MAP2: variants seen among roughly 807,000 people sequenced by gnomAD.
The protein encoded by MAP2 is microtubule-associated protein 2.
A neutral mutation model predicts 137.6 loss-of-function variants in MAP2; 14 were observed. The observed-to-expected ratio is 0.10, with a 90% CI of 0.07 to 0.16. MAP2 has a LOEUF of 0.16. Among genes scored for constraint, MAP2 ranks in the 10% least tolerant of loss-of-function variants. The pLI is 1.00. For missense variants in MAP2, 2,088 were observed against 2,191.5 expected, an observed-to-expected ratio of 0.95 and a Z score of 0.94; for synonymous variants, 786 against 782.3, an observed-to-expected ratio of 1.00 and a Z score of -0.08.
At chr2:209,634,711 A>T (rs2093407846) in intron 4 of MAP2, among the ~76,000 whole-genome samples, 1 of 152,204 alleles carries the variant, frequency 6.6e-6, no homozygotes, top group African/African-American at 2.4e-5. Flanking sequence ...ATCTGCCTAC[A>T]AATTAATATA....
chr2:209,485,160 A>C (rs2058223799), intron 1 of MAP2, among the ~76,000 whole-genome samples: 1 of 152,198 alleles, frequency 6.6e-6, no homozygotes, highest in Admixed American at 6.5e-5. Flanking sequence ...GACCTTCTGT[A>C]CAGACTGATT....
chr2:209,730,541 C>T lies in MAP2; in HGVS notation c.*144C>T. The T allele has an allele frequency of 1.5e-6, 1 of 657,382 alleles. No individual in the cohort carries two copies. Among genetic ancestry groups the T allele is most frequent in the Non-Finnish European group, 2.6e-6 (1 of 389,626 alleles). 40.7% of individuals were successfully genotyped at this position (657,382 alleles called of 1,614,324 possible). A position where few individuals can be genotyped will look rare whatever the true frequency, so the allele number is the denominator to read the frequency against. Reference sequence around the variant, plus strand: ...AAACTGTAGTAATTGTTACAATTTTCTATTTAAAAAATGAATAGTACATGC... The same window carrying T: ...AAACTGTAGTAATTGTTACAATTTTTTATTTAAAAAATGAATAGTACATGC... On this transcript the variant is annotated 3_prime_UTR_variant, in exon 16 of 16. Transcript: ENST00000682079.
At chr2:209,725,443 A>C (rs1480111261) in intron 13 of MAP2, among the ~76,000 whole-genome samples, 1 of 152,178 alleles carries the variant, frequency 6.6e-6, no homozygotes, top group African/African-American at 2.4e-5. Context: ...ATATGTTTCT[A>C]TCCTCCTGTG....
chr2:209,700,244 A>T, intron 10 of MAP2, 33 bp from the exon 11 acceptor site: 1 of 1,595,722 alleles, frequency 6.3e-7, no homozygotes, highest in Non-Finnish European at 8.6e-7. Flanking sequence ...TTAGCAACTA[A>T]GTTTGGGGTT....
chr2:209,643,296 A>G (rs1015043549), intron 4 of MAP2, among the ~76,000 whole-genome samples: 24 of 152,212 alleles, frequency 1.6e-4, no homozygotes, highest in Non-Finnish European at 2.9e-4. Flanking sequence ...ATCAGTAAGT[A>G]TTCCTGTGCT....
chr2:209,545,876 C>T (rs1005030196), intron 2 of MAP2, among the ~76,000 whole-genome samples: 3 of 152,202 alleles, frequency 2.0e-5, no homozygotes, highest in African/African-American at 4.8e-5. Flanking sequence ...CATGGTGGCT[C>T]ACGCCTGTAA....
intron 5 of MAP2, among the ~76,000 whole-genome samples, chr2:209,662,595 G>C (rs1175557758): frequency 2.0e-5 from 3 of 151,646 alleles, no homozygotes; most frequent in African/African-American, 7.3e-5. Flanking sequence ...GTCATGTTTT[G>C]TCATCATATT....
intron 13 of MAP2, among the ~76,000 whole-genome samples, chr2:209,724,529 A>G (rs1009745302): frequency 6.6e-6 from 1 of 152,090 alleles, no homozygotes; most frequent in African/African-American, 2.4e-5. Flanking sequence ...TCACCTGTCT[A>G]CTAACTCTTT....
intron 2 of MAP2, among the ~76,000 whole-genome samples, chr2:209,578,136 T>G (rs2075643094): frequency 6.6e-6 from 1 of 152,108 alleles, no homozygotes; most frequent in Non-Finnish European, 1.5e-5. Flanking sequence ...ACGCTGCGGG[T>G]GCCTGGGTTT....
At chr2:209,615,338 C>A (rs1452445126) in intron 3 of MAP2, among the ~76,000 whole-genome samples, 1 of 152,130 alleles carries the variant, frequency 6.6e-6, no homozygotes, top group African/African-American at 2.4e-5. Flanking sequence ...TCAAAGACAA[C>A]CTCATGTCTT....
chr2:209,533,360 G>A (rs574816122), intron 2 of MAP2, among the ~76,000 whole-genome samples: 63 of 152,272 alleles, frequency 4.1e-4, no homozygotes, highest in African/African-American at 1.5e-3. Flanking sequence ...GGCCAGGCTG[G>A]TCTCGAATTC....
chr2:209,469,383 C>T (rs1462695253), intron 1 of MAP2, among the ~76,000 whole-genome samples: 4 of 152,046 alleles, frequency 2.6e-5, no homozygotes, highest in African/African-American at 9.7e-5. Context: ...CTTCTCTGGG[C>T]CAAAATATGC....
intron 13 of MAP2, among the ~76,000 whole-genome samples, chr2:209,718,057 T>C (rs1214260674): frequency 6.6e-6 from 1 of 152,240 alleles, no homozygotes; most frequent in African/African-American, 2.4e-5. Flanking sequence ...AAGTCATCAT[T>C]ATATCAGAGT....
At chr2:209,486,789 T>C (rs944709803) in intron 1 of MAP2, among the ~76,000 whole-genome samples, 2 of 152,222 alleles carry the variant, frequency 1.3e-5, no homozygotes, top group Admixed American at 1.3e-4. Context: ...TATAATACTT[T>C]CTGCTCCAGT....
intron 5 of MAP2, among the ~76,000 whole-genome samples, chr2:209,672,847 G>A (rs1039970984): frequency 2.6e-5 from 4 of 151,898 alleles, no homozygotes; most frequent in Non-Finnish European, 5.9e-5. Context: ...TGAGATGTAA[G>A]TAGCCTAGCA....
chr2:209,452,424 A>G (rs1700534689), intron 1 of MAP2, among the ~76,000 whole-genome samples: 1 of 152,100 alleles, frequency 6.6e-6, no homozygotes, highest in Admixed American at 6.5e-5. Flanking sequence ...GTTTCCTTTC[A>G]TCTAAACACC....
At chr2:209,529,151 G>C (rs1418657628) in intron 2 of MAP2, among the ~76,000 whole-genome samples, 1 of 151,964 alleles carries the variant, frequency 6.6e-6, no homozygotes, top group Non-Finnish European at 1.5e-5. Context: ...GAAAAAAAAT[G>C]GTGGTGTGGA....
chr2:209,447,448 T>C (rs1699331623), intron 1 of MAP2, among the ~76,000 whole-genome samples: 1 of 152,076 alleles, frequency 6.6e-6, no homozygotes, highest in African/African-American at 2.4e-5. Flanking sequence ...AAATGTAATA[T>C]GTTATATAAC....
chr2:209,725,831 G>A, intron 14 of MAP2, 41 bp downstream of exon 14: 1 of 1,396,256 alleles, frequency 7.2e-7, no homozygotes, highest in Non-Finnish European at 9.8e-7. Flanking sequence ...ATATTTAACT[G>A]GAATCAAGAA....
Sources: allele counts gnomAD v4.1 joint callset (sites outside exome capture counted in the v4.1 genomes callset), GRCh38; gene constraint gnomAD v4.1.1; transcripts MANE v1.5; gene names NCBI Gene and HGNC (gene_info 2026-07-23, HGNC 2026-07-21).